SYNPO2: variants seen among roughly 807,000 people sequenced by gnomAD.
SYNPO2 encodes synaptopodin-2.
SYNPO2 carries 56 observed loss-of-function variants against 85.0 expected under a neutral mutation model. That is an observed-to-expected ratio of 0.66 (90% CI 0.53 to 0.82). The LOEUF is 0.82. SYNPO2 is among the 40% of genes least tolerant of loss of function. The probability of loss-of-function intolerance (pLI) is 0.00; values close to 1 mark genes in which losing one functional copy is unlikely to be tolerated. For synonymous variants in SYNPO2, 602 were observed against 591.1 expected (o/e 1.02, Z -0.27); for missense variants, 1,575 against 1,534.2 (o/e 1.03, Z -0.44).
chr4:119,026,641 TA>T lies in SYNPO2; in HGVS notation c.274del (p.Ser92ValfsTer4). On this transcript the variant is annotated frameshift_variant, in exon 3 of 5. Coordinates refer to ENST00000307142, the MANE Select transcript of SYNPO2 (RefSeq NM_133477.3). LOFTEE classifies it high-confidence loss of function. The stretch of plus-strand genomic sequence containing the variant: ...TCTGTGTGCAGACCATCCAGTGGAA[TA>T]AGTGAGGCTTTGATATCTGAAAATG... The part of the protein sequence containing the change: ...QMLIKRPSSG[I>X]SEALISENEN... The T allele has an allele frequency of 6.2e-7, 1 of 1,605,294 alleles. No individual in the cohort carries two copies. The highest frequency in any genetic ancestry group is 8.5e-7 in the Non-Finnish European group (1 of 1,175,816).
chr4:118,887,096 G>A (rs1732211632), upstream of SYNPO2, among the ~76,000 whole-genome samples: 3 of 151,850 alleles, frequency 2.0e-5, no homozygotes, highest in African/African-American at 7.3e-5. Flanking sequence ...AGGTCCTCTG[G>A]TTTCCTGCCA....
At chr4:118,889,485 G>C (rs11726582) in intron 1 of SYNPO2, among the ~76,000 whole-genome samples, 24,346 of 152,100 alleles carry the variant, frequency 0.16, 2,085 homozygotes, top group East Asian at 0.19. Context: ...GTTATTGTTT[G>C]ATGTCACTTC....
At chr4:118,902,270 C>T (rs1258125485) in intron 1 of SYNPO2, among the ~76,000 whole-genome samples, 1 of 152,134 alleles carries the variant, frequency 6.6e-6, no homozygotes, top group African/African-American at 2.4e-5. Context: ...GCCTACTGAC[C>T]AGTCTCTAGA....
intron 4 of SYNPO2, among the ~76,000 whole-genome samples, chr4:119,040,475 T>C (rs1738671368): frequency 6.6e-6 from 1 of 152,218 alleles, no homozygotes; most frequent in African/African-American, 2.4e-5. Flanking sequence ...TCATCTATTG[T>C]GCCAGCATTC....
intron 1 of SYNPO2, among the ~76,000 whole-genome samples, chr4:118,947,527 T>C (rs1013500323): frequency 6.6e-6 from 1 of 152,186 alleles, no homozygotes; most frequent in Non-Finnish European, 1.5e-5. Flanking sequence ...CTGCAATAAG[T>C]TTATTTCCTT....
chr4:118,854,373 T>C (rs1731471968), intron 1 of SYNPO2, among the ~76,000 whole-genome samples: 1 of 152,202 alleles, frequency 6.6e-6, no homozygotes, highest in Non-Finnish European at 1.5e-5. Context: ...TTGGTTCCAT[T>C]AATAGAATAA....
chr4:118,916,729 C>CTTT (rs199715189), intron 1 of SYNPO2, among the ~76,000 whole-genome samples: 2,024 of 117,000 alleles, frequency 0.017, 97 homozygotes, highest in Middle Eastern at 0.045. Flanking sequence ...ATTTTTCTTT[C>CTTT]TTTTTTTTTT....
At chr4:119,043,975 T>C (rs367689730) in intron 4 of SYNPO2, 3 of 75,354 alleles carry the variant, frequency 4.0e-5, no homozygotes, top group Admixed American at 1.3e-4. Context: ...GCTATGCAAA[T>C]AAAAACCAGC....
intron 1 of SYNPO2, among the ~76,000 whole-genome samples, chr4:118,984,040 A>G (rs1736129671): frequency 6.6e-6 from 1 of 152,158 alleles, no homozygotes; most frequent in Admixed American, 6.5e-5. Context: ...CCCCTTCTAC[A>G]TGCGTTGAGA....
chr4:118,966,413 T>C lies in SYNPO2; in HGVS notation c.106-57017T>C, dbSNP rs149299888. ...GATAGATAGAATAGGCTTGTTTGAG[T>C]TGGTTTGTCTTTCCCAGAAACCCTG... On this transcript the variant is annotated intron_variant, in intron 1 of 4. Transcript: ENST00000307142. 4.5e-3 allele frequency among the ~76,000 whole-genome samples: 685 copies of C among 152,128 alleles called. 4 individuals carry two copies. The highest frequency in any genetic ancestry group is 0.016 in the African/African-American group (661 of 41,500).
At chr4:118,961,529 G>A (rs1201789729) in intron 1 of SYNPO2, among the ~76,000 whole-genome samples, 1 of 152,172 alleles carries the variant, frequency 6.6e-6, no homozygotes, top group Non-Finnish European at 1.5e-5. Context: ...CCCTAAGAGA[G>A]GCATTCTCCA....
At chr4:118,851,094 CACTT>C (rs1285722929) in intron 1 of SYNPO2, among the ~76,000 whole-genome samples, 3 of 152,208 alleles carry the variant, frequency 2.0e-5, no homozygotes, top group African/African-American at 7.2e-5. Flanking sequence ...AAATCCTACT[CACTT>C]TTCAGAGTCT....
chr4:119,022,531 T>C (rs1737765638), intron 1 of SYNPO2, among the ~76,000 whole-genome samples: 1 of 133,932 alleles, frequency 7.5e-6, no homozygotes, highest in African/African-American at 2.6e-5. Context: ...TTTTTTTTTT[T>C]TTTTTTTAGA....
chr4:118,968,749 T>C (rs1242238939), intron 1 of SYNPO2, among the ~76,000 whole-genome samples: 2 of 152,200 alleles, frequency 1.3e-5, no homozygotes, highest in Non-Finnish European at 1.5e-5. Flanking sequence ...AGAGCAATTT[T>C]TAAAATTTCA....
intron 4 of SYNPO2, chr4:119,042,742 A>G (rs780304375): frequency 4.6e-5 from 7 of 152,226 alleles, no homozygotes; most frequent in Non-Finnish European, 8.8e-5. Context: ...GAGGCTGCTT[A>G]TATGTTACAA....
At chr4:118,979,696 C>T (rs1010145829) in intron 1 of SYNPO2, among the ~76,000 whole-genome samples, 3 of 152,190 alleles carry the variant, frequency 2.0e-5, no homozygotes, top group African/African-American at 7.2e-5. Flanking sequence ...AGGGTAGCAA[C>T]AGAGGCATCT....
chr4:118,960,484 A>G (rs1416471807), intron 1 of SYNPO2, among the ~76,000 whole-genome samples: 2 of 152,196 alleles, frequency 1.3e-5, no homozygotes, highest in African/African-American at 4.8e-5. Context: ...TTGTAAAATT[A>G]GTTTCCTGTG....
chr4:118,940,285 C>T (rs185943393), intron 1 of SYNPO2, among the ~76,000 whole-genome samples: 19 of 152,172 alleles, frequency 1.2e-4, no homozygotes, highest in Admixed American at 8.5e-4. Flanking sequence ...CTGCGCCTGG[C>T]CGCCTTTTCT....
rs144683675 is a variant in SYNPO2, at chr4:118,871,275, C to CT, written c.12+20346dup. Among the ~76,000 whole-genome samples the CT allele has an allele frequency of 9.3e-3, 1,362 of 146,188 alleles. 14 individuals are homozygous for CT. The highest frequency in any genetic ancestry group is 0.026 in the African/African-American group (1,053 of 40,088). On this transcript the variant is annotated intron_variant, in intron 1 of 4. Transcript: ENST00000610556. ...ATCTTTATTTTTCTTTTCTTTATTT[C>CT]TTTTTTTTTTTGGATGAAGTTTTGC...
Sources: allele counts gnomAD v4.1 joint callset (sites outside exome capture counted in the v4.1 genomes callset), GRCh38; gene constraint gnomAD v4.1.1; transcripts MANE v1.5; gene names NCBI Gene and HGNC (gene_info 2026-07-23, HGNC 2026-07-21).